The following PLEKHA7 variants were observed in gnomAD, a reference collection of about 807,000 sequenced individuals.
PLEKHA7 encodes the protein pleckstrin homology domain-containing family A member 7.
A neutral mutation model predicts 170.0 loss-of-function variants in PLEKHA7; 104 were observed. The ratio of observed to expected loss-of-function variants is 0.61; its 90% CI spans 0.52 to 0.72. The LOEUF (loss-of-function observed/expected upper bound fraction) is 0.72, where lower values mean the gene tolerates loss of function less well. Among genes scored for constraint, PLEKHA7 ranks in the 30% least tolerant of loss-of-function variants. PLEKHA7 has a pLI of 0.00. For missense variants in PLEKHA7, 1,615 were observed against 1,671.7 expected (o/e 0.97, Z 0.59); for synonymous variants, 648 against 660.8 (o/e 0.98, Z 0.30).
chr11:16,805,983 CA>C (rs1232536110), intron 13 of PLEKHA7, among the ~76,000 whole-genome samples: 1 of 152,158 alleles, frequency 6.6e-6, no homozygotes, highest in African/African-American at 2.4e-5. Context: ...CAGCACCCAG[CA>C]CATTAGAGTA....
intron 3 of PLEKHA7, among the ~76,000 whole-genome samples, chr11:16,897,806 T>C (rs1469154914): frequency 6.6e-6 from 1 of 152,118 alleles, no homozygotes; most frequent in Non-Finnish European, 1.5e-5. Context: ...ACACACACAT[T>C]TGGCTCAAAT....
At chr11:16,866,115 C>T (rs1432339400) in intron 4 of PLEKHA7, among the ~76,000 whole-genome samples, 1 of 150,908 alleles carries the variant, frequency 6.6e-6, no homozygotes, top group African/African-American at 2.4e-5. Flanking sequence ...AGGTGTGAGC[C>T]ACTGCACCCA....
chr11:17,014,044 G>A lies in PLEKHA7; in HGVS notation c.166C>T (p.Leu56=). 1.3e-6 allele frequency: 2 copies of A among 1,563,100 alleles called. No homozygotes were observed. Among genetic ancestry groups the A allele is most frequent in the Admixed American group, 1.9e-5 (1 of 52,586 alleles). The change falls in exon 3 of 27, where the codon CTG becomes TTG. Residue 56 remains leucine, a splice_region_variant and synonymous_variant. Coordinates refer to ENST00000531066, the MANE Select transcript of PLEKHA7 (RefSeq NM_001329630.2). ...AAGCCCTCCTCCCAGCCGCGGGGCA[G>A]GTCTGCGGAAACGCCAGAAAAGTCG... ...VNSGHMIRSD[L]PRGWEEGFTE... is the part of the protein sequence containing the mutation.
chr11:16,872,668 T>TGC (rs1854955740), intron 3 of PLEKHA7, among the ~76,000 whole-genome samples: 1 of 152,088 alleles, frequency 6.6e-6, no homozygotes, highest in Non-Finnish European at 1.5e-5. Flanking sequence ...TACAGGTACA[T>TGC]GCCACCATGC....
chr11:16,843,439 A>C (rs942034524), intron 8 of PLEKHA7, among the ~76,000 whole-genome samples: 7 of 152,262 alleles, frequency 4.6e-5, no homozygotes, highest in Non-Finnish European at 1.0e-4. Flanking sequence ...TCCAAAATGC[A>C]TAGTAAATAT....
chr11:16,991,750 A>G (rs1864057248), intron 3 of PLEKHA7, among the ~76,000 whole-genome samples: 1 of 152,186 alleles, frequency 6.6e-6, no homozygotes, highest in African/African-American at 2.4e-5. Context: ...AGGAGCCCAC[A>G]GATGGTTCGA....
At chr11:16,862,047 G>A (rs540903680) in intron 4 of PLEKHA7, among the ~76,000 whole-genome samples, 4 of 152,160 alleles carry the variant, frequency 2.6e-5, no homozygotes, top group Admixed American at 1.3e-4. Flanking sequence ...GACCGCCAAC[G>A]CTCACTGTAA....
chr11:16,837,520 A>G (rs1590281267), intron 9 of PLEKHA7, among the ~76,000 whole-genome samples: 1 of 152,328 alleles, frequency 6.6e-6, no homozygotes, highest in Non-Finnish European at 1.5e-5. Context: ...TTGAAGCTCA[A>G]ATTATAAAAG....
chr11:16,819,651 C>G (rs1253135432), intron 10 of PLEKHA7, among the ~76,000 whole-genome samples: 2 of 152,212 alleles, frequency 1.3e-5, no homozygotes, highest in Non-Finnish European at 2.9e-5. Flanking sequence ...TCAGCACCAC[C>G]TGGGGACTTG....
chr11:16,811,348 G>A (rs1011489920), intron 13 of PLEKHA7, among the ~76,000 whole-genome samples: 1 of 152,220 alleles, frequency 6.6e-6, no homozygotes, highest in Non-Finnish European at 1.5e-5. Context: ...CATAGGCCCA[G>A]GTGCACTATG....
At chr11:16,932,413 C>T (rs1412466059) in intron 3 of PLEKHA7, among the ~76,000 whole-genome samples, 2 of 151,834 alleles carry the variant, frequency 1.3e-5, no homozygotes, top group Non-Finnish European at 2.9e-5. Context: ...CACCCAGTAG[C>T]CAGGACTACA....
At chr11:16,813,206 ACCAAGAGTTT>A (rs1371912143) in intron 12 of PLEKHA7, 40 bp from the exon 13 acceptor site, 11 of 1,561,726 alleles carry the variant, frequency 7.0e-6, no homozygotes, top group Non-Finnish European at 8.8e-6. Context: ...AGTTATGAAC[ACCAAGAGTTT>A]CCATAACTCG....
intron 3 of PLEKHA7, among the ~76,000 whole-genome samples, chr11:16,921,555 T>C (rs1859091824): frequency 6.6e-6 from 1 of 152,270 alleles, no homozygotes; most frequent in African/African-American, 2.4e-5. Context: ...CTTTAGTTTA[T>C]TCCTACTTTG....
intron 3 of PLEKHA7, among the ~76,000 whole-genome samples, chr11:17,009,353 G>A (rs1195858673): frequency 6.6e-6 from 1 of 152,136 alleles, no homozygotes. Flanking sequence ...TCTGCTATAG[G>A]AATGTCCAGG....
intron 3 of PLEKHA7, among the ~76,000 whole-genome samples, chr11:16,999,326 C>T (rs1232591930): frequency 6.6e-6 from 1 of 151,922 alleles, no homozygotes; most frequent in Non-Finnish European, 1.5e-5. Context: ...CAACTTGTCA[C>T]CCCAGGCCCT....
chr11:16,979,925 C>G (rs1321176096), intron 3 of PLEKHA7, among the ~76,000 whole-genome samples: 1 of 152,100 alleles, frequency 6.6e-6, no homozygotes, highest in Non-Finnish European at 1.5e-5. Context: ...TGTGTCTACC[C>G]CCAGCTATCC....
intron 8 of PLEKHA7, among the ~76,000 whole-genome samples, chr11:16,846,725 A>G (rs1852437826): frequency 6.6e-6 from 1 of 152,134 alleles, no homozygotes. Context: ...CCTCCCCATC[A>G]CAAATTTATA....
intron 23 of PLEKHA7, chr11:16,787,845 G>A (rs1325223159): frequency 6.6e-6 from 1 of 152,178 alleles, no homozygotes; most frequent in Non-Finnish European, 1.5e-5. Context: ...AGGTTACCAG[G>A]TTTGCAGCTT....
At chr11:16,808,764 C>A (rs993273909) in intron 13 of PLEKHA7, among the ~76,000 whole-genome samples, 2 of 152,180 alleles carry the variant, frequency 1.3e-5, no homozygotes, top group Admixed American at 1.3e-4. Flanking sequence ...CAACAGTGAA[C>A]CCCACACCCC....
Sources: gnomAD v4.1 joint callset for allele counts (sites outside exome capture counted in the v4.1 genomes callset) on GRCh38, gnomAD v4.1.1 for gene constraint, MANE v1.5 for transcripts, NCBI Gene and HGNC (gene_info 2026-07-23, HGNC 2026-07-21) for gene names.